Variants in SAP130 observed in about 807,000 individuals in gnomAD.
SAP130 encodes the protein histone deacetylase complex subunit SAP130.
SAP130 carries 16 observed loss-of-function variants against 103.2 expected under a neutral mutation model. The observed-to-expected ratio is 0.16, with a 90% CI of 0.10 to 0.24. The LOEUF (loss-of-function observed/expected upper bound fraction) is 0.24, where lower values mean the gene tolerates loss of function less well. Among genes scored for constraint, SAP130 ranks in the 10% least tolerant of loss-of-function variants. The probability of loss-of-function intolerance (pLI) is 1.00; values close to 1 mark genes in which losing one functional copy is unlikely to be tolerated. For synonymous variants in SAP130, 477 were observed against 497.0 expected (o/e 0.96, Z 0.53); for missense variants, 990 against 1,359.7 (o/e 0.73, Z 4.28).
At chr2:127,954,836 C>G (rs1365174887) in intron 16 of SAP130, 150 bp downstream of exon 16, 1 of 610,588 alleles carries the variant, frequency 1.6e-6, no homozygotes, top group African/African-American at 1.9e-5. Flanking sequence ...CTGCTTTCTT[C>G]TACTTATCAA....
Position 127,955,215 on chromosome 2 carries a change from C to A in SAP130, c.2193G>T (p.Pro731=). 1 of 1,613,870 alleles carries A rather than the reference C, an allele frequency of 6.2e-7. No individual in the cohort carries two copies. The change falls in exon 16 of 21, where the codon CCG becomes CCT. Residue 731 remains proline, a synonymous_variant. Coordinates refer to ENST00000643581, the MANE Select transcript of SAP130 (RefSeq NM_001330301.2). This position sits in a 1 kb window ranked among gnomAD's most constrained non-coding sequence, Gnocchi z 4.9. The part of the protein sequence containing the change: ...AVPPTAQQPP[P]TIPTMIAAAS... ...CTGCTGCAATCATAGTTGGAATGGTCGGTGGGGGCTGCTGGGCAGTTGGAG... is the reference window on the plus strand; with the variant it reads ...CTGCTGCAATCATAGTTGGAATGGTAGGTGGGGGCTGCTGGGCAGTTGGAG...
chr2:127,970,541 T>C (rs867841339), intron 15 of SAP130, among the ~76,000 whole-genome samples: 1 of 80,022 alleles, frequency 1.2e-5, no homozygotes, highest in East Asian at 3.7e-4. Flanking sequence ...GACTCTGTCT[T>C]AAAAAAAAAA....
intron 15 of SAP130, among the ~76,000 whole-genome samples, chr2:127,958,538 T>C (rs1024923209): frequency 6.6e-6 from 1 of 151,812 alleles, no homozygotes; most frequent in Non-Finnish European, 1.5e-5. Context: ...CATATCTGGG[T>C]TTTCAAAAAT....
At chr2:127,962,643 C>T (rs948583951) in intron 15 of SAP130, among the ~76,000 whole-genome samples, 1 of 150,912 alleles carries the variant, frequency 6.6e-6, no homozygotes, top group Non-Finnish European at 1.5e-5. Context: ...AAACCAAATA[C>T]CGCATGTTCT....
At chr2:128,003,988 T>TTTTTTTTTTTC (rs1683774713) in intron 7 of SAP130, among the ~76,000 whole-genome samples, 1 of 120,970 alleles carries the variant, frequency 8.3e-6, no homozygotes, top group African/African-American at 4.1e-5. Context: ...TTTTTTTTTT[T>TTTTTTTTTTTC]TGTTGACAGC....
At chr2:127,993,425 A>C in intron 11 of SAP130, 117 bp from the exon 12 acceptor site, 1 of 1,140,580 alleles carries the variant, frequency 8.8e-7, no homozygotes. Context: ...GCTTTGCTCA[A>C]ATTGTGTCCC....
At chr2:127,964,158 G>A (rs1258089887) in intron 15 of SAP130, among the ~76,000 whole-genome samples, 6 of 152,140 alleles carry the variant, frequency 3.9e-5, no homozygotes, top group African/African-American at 1.2e-4. Flanking sequence ...CACACCCATT[G>A]CACTCCAGCC....
intron 7 of SAP130, among the ~76,000 whole-genome samples, chr2:128,001,385 C>G (rs994839901): frequency 6.6e-6 from 1 of 152,184 alleles, no homozygotes; most frequent in Non-Finnish European, 1.5e-5. Context: ...AAATAAAATG[C>G]AAAGAATCAC....
intron 2 of SAP130, among the ~76,000 whole-genome samples, chr2:128,021,273 C>A (rs1009733120): frequency 1.3e-5 from 2 of 151,718 alleles, no homozygotes; most frequent in Non-Finnish European, 2.9e-5. Flanking sequence ...ATGGTGAAAC[C>A]CTGTCTCTAC....
intron 10 of SAP130, among the ~76,000 whole-genome samples, chr2:127,999,087 G>A (rs948406079): frequency 2.0e-5 from 3 of 152,202 alleles, no homozygotes; most frequent in Non-Finnish European, 4.4e-5. Context: ...AAGTCATGGT[G>A]AGCAGTGATG....
At chr2:128,019,731 C>G (rs376730178) in intron 2 of SAP130, among the ~76,000 whole-genome samples, 1 of 152,018 alleles carries the variant, frequency 6.6e-6, no homozygotes, top group Non-Finnish European at 1.5e-5. Flanking sequence ...ACTAAAAATA[C>G]AAAAAAATAG....
chr2:128,008,514 G>A (rs1182061051), intron 7 of SAP130, among the ~76,000 whole-genome samples: 1 of 147,630 alleles, frequency 6.8e-6, no homozygotes, highest in African/African-American at 2.5e-5. Context: ...ATAGGTACAT[G>A]CCACCACGCT....
chr2:127,977,876 C>T, intron 15 of SAP130, 109 bp downstream of exon 15: 1 of 840,668 alleles, frequency 1.2e-6, no homozygotes, highest in South Asian at 1.5e-5. Context: ...GCACTCCAGC[C>T]TGGGCTATAT....
chr2:127,962,890 TAA>T (rs35303245), intron 15 of SAP130, among the ~76,000 whole-genome samples: 5 of 140,398 alleles, frequency 3.6e-5, no homozygotes, highest in Middle Eastern at 3.5e-3. Flanking sequence ...ATAATAAAAT[TAA>T]AAAAAAAAAA....
chr2:127,967,733 G>A (rs1399934764), intron 15 of SAP130, among the ~76,000 whole-genome samples: 1 of 152,094 alleles, frequency 6.6e-6, no homozygotes, highest in South Asian at 2.1e-4. Context: ...TTCAATAATG[G>A]ATGAAACATC....
Position 127,941,953 on chromosome 2 carries a change from C to T in SAP130, c.*53G>A. On this transcript the variant is annotated 3_prime_UTR_variant, in exon 21 of 21. Transcript: ENST00000643581. ...GGAAAAAACCAAAACCCTCCCCCCA[C>T]CCCCACCATCATTCTTCATAAATTT... 3.0e-6 allele frequency: 1 copy of T among 328,024 alleles called. No homozygotes were observed. Among genetic ancestry groups the T allele is most frequent in the South Asian group, 2.2e-5 (1 of 45,668 alleles). 20.3% of individuals were successfully genotyped at this position (328,024 alleles called of 1,614,324 possible). A position where few individuals can be genotyped will look rare whatever the true frequency, so the allele number is the denominator to read the frequency against.
At chr2:128,023,902 T>G (rs1303510439) in intron 2 of SAP130, among the ~76,000 whole-genome samples, 1 of 148,104 alleles carries the variant, frequency 6.8e-6, no homozygotes, top group Non-Finnish European at 1.5e-5. Flanking sequence ...AGATAGAGTC[T>G]TCTGTTATTC....
At chr2:127,947,754 T>TTGTGTGTGTGAG (rs1491251653) in intron 18 of SAP130, among the ~76,000 whole-genome samples, 1 of 28,640 alleles carries the variant, frequency 3.5e-5, no homozygotes, top group African/African-American at 7.8e-5. Flanking sequence ...TAATTTTGTA[T>TTGTGTGTGTGAG]TGTGTGTGTC....
At chr2:127,951,099 A>G (rs1464182540) in intron 16 of SAP130, among the ~76,000 whole-genome samples, 1 of 152,224 alleles carries the variant, frequency 6.6e-6, no homozygotes, top group Non-Finnish European at 1.5e-5. Context: ...CAATTCACAG[A>G]TGAGAAAATA....
Sources: allele counts gnomAD v4.1 joint callset (sites outside exome capture counted in the v4.1 genomes callset), GRCh38; gene constraint gnomAD v4.1.1; non-coding constraint Gnocchi (gnomAD v3.1); transcripts MANE v1.5; gene names NCBI Gene and HGNC (gene_info 2026-07-23, HGNC 2026-07-21).